The following CELSR1 variants were observed in gnomAD, a reference collection of about 807,000 sequenced individuals.
CELSR1 encodes the protein cadherin EGF LAG seven-pass G-type receptor 1, also known as adhesion G protein-coupled receptor C1.
A neutral mutation model predicts 249.1 loss-of-function variants in CELSR1; 110 were observed. The ratio of observed to expected loss-of-function variants is 0.44; its 90% CI spans 0.38 to 0.52. The LOEUF (loss-of-function observed/expected upper bound fraction) is 0.52. Ranked by LOEUF, CELSR1 falls within the 20% of genes least tolerant of loss-of-function variation. The probability of loss-of-function intolerance (pLI) is 0.00; values close to 1 mark genes in which losing one functional copy is unlikely to be tolerated. For missense variants in CELSR1, 4,109 were observed against 4,296.4 expected (o/e 0.96, Z 1.22); for synonymous variants, 2,113 against 1,900.0 (o/e 1.11, Z -2.92).
chr22:46,437,350 G>A lies in CELSR1; in HGVS notation c.4407-1061C>T, dbSNP rs956721712. ...CTGGCTGGGTGTCTCCACCATCAGA[G>A]ATACACGGCAGGAACTCCTTTTAAC... is the stretch of plus-strand genomic sequence containing the variant. On this transcript the variant is annotated intron_variant, in intron 3 of 34. Transcript: ENST00000674500. This position sits in a 1 kb window ranked among gnomAD's most constrained non-coding sequence, Gnocchi z 4.9. Among the ~76,000 whole-genome samples the A allele has an allele frequency of 9.2e-5, 14 of 152,246 alleles. No homozygotes were observed. The highest frequency in any genetic ancestry group is 3.4e-4 in the African/African-American group (14 of 41,470).
chr22:46,421,035 G>A (rs2079465806), intron 5 of CELSR1, among the ~76,000 whole-genome samples: 1 of 152,182 alleles, frequency 6.6e-6, no homozygotes, highest in Admixed American at 6.5e-5. Context: ...CCTAAACCCG[G>A]CCCTCCCATC....
chr22:46,465,889 C>A (rs922257380), intron 1 of CELSR1, among the ~76,000 whole-genome samples: 2 of 152,352 alleles, frequency 1.3e-5, no homozygotes, highest in Middle Eastern at 3.4e-3. Context: ...CCAGCTCCCA[C>A]CCCAGTAACG....
rs2079362099 is a variant in CELSR1 at position 46,413,542 on chromosome 22, A to G, written c.4612-1783T>C. 6.6e-6 allele frequency among the ~76,000 whole-genome samples: 1 copy of G among 152,232 alleles called. No homozygotes were observed. Among genetic ancestry groups the G allele is most frequent in the Non-Finnish European group, 1.5e-5 (1 of 68,050 alleles). On this transcript the variant is annotated intron_variant, in intron 5 of 34. Coordinates refer to ENST00000674500, the MANE Select transcript of CELSR1 (RefSeq NM_001378328.1). This position sits in a 1 kb window ranked among gnomAD's most constrained non-coding sequence, Gnocchi z 4.7. ...TCTGTGTTACAGGGAATTGAGGATG[A>G]TATCAACAGAGATACGTGAGTTTCC...
chr22:46,491,609 G>C (rs1183204782), intron 1 of CELSR1, among the ~76,000 whole-genome samples: 1 of 146,522 alleles, frequency 6.8e-6, no homozygotes, highest in African/African-American at 2.5e-5. Flanking sequence ...CTAGCAGAAA[G>C]GAAACATAGT....
At chr22:46,387,736 A>G (rs1242628681) in intron 18 of CELSR1, among the ~76,000 whole-genome samples, 3 of 152,266 alleles carry the variant, frequency 2.0e-5, no homozygotes, top group South Asian at 4.1e-4. Flanking sequence ...GGGTGATTCA[A>G]ATGTCAGAGG....
At chr22:46,511,564 C>T (rs963848269) in intron 1 of CELSR1, among the ~76,000 whole-genome samples, 4 of 152,348 alleles carry the variant, frequency 2.6e-5, no homozygotes, top group East Asian at 1.9e-4. Context: ...GCCTTGACTT[C>T]GGGCCAGGCA....
intron 27 of CELSR1, among the ~76,000 whole-genome samples, chr22:46,368,372 A>T (rs2078811302): frequency 1.3e-5 from 2 of 152,044 alleles, no homozygotes; most frequent in African/African-American, 4.8e-5. Context: ...CGTGGATGGC[A>T]CTGAAGACGA....
intron 1 of CELSR1, among the ~76,000 whole-genome samples, chr22:46,465,336 CA>C (rs2080085042): frequency 1.3e-5 from 2 of 152,060 alleles, no homozygotes; most frequent in Non-Finnish European, 2.9e-5. Flanking sequence ...GCCCCCTGCC[CA>C]TGGCCCCCAC....
In CELSR1 at chr22:46,413,847, G is replaced by A. The variant is rs2079365633; in HGVS notation, c.4612-2088C>T. Among the ~76,000 whole-genome samples, 1 of 152,194 alleles carries A rather than the reference G, an allele frequency of 6.6e-6. No individual in the cohort carries two copies. The highest frequency in any genetic ancestry group is 1.5e-5 in the Non-Finnish European group (1 of 68,034). On this transcript the variant is annotated intron_variant, in intron 5 of 34. Transcript: ENST00000674500. This position sits in a 1 kb window ranked among gnomAD's most constrained non-coding sequence, Gnocchi z 4.7. The stretch of plus-strand genomic sequence containing the variant: ...GTGAGATGCGATCCCAGGGAAAGGA[G>A]AACCTCCCCTCACTTTGTGAGCCCC...
rs563732652 is a variant in CELSR1, at chr22:46,488,403, C to T, written c.3545-24058G>A. Among the ~76,000 whole-genome samples, 12 of 152,276 alleles carry T rather than the reference C, an allele frequency of 7.9e-5. No individual in the cohort carries two copies. The highest frequency in any genetic ancestry group is 3.3e-4 in the Admixed American group (5 of 15,310). On this transcript the variant is annotated intron_variant, in intron 1 of 34. Coordinates refer to ENST00000674500, the MANE Select transcript of CELSR1 (RefSeq NM_001378328.1). The surrounding 1 kb of genome is among the most constrained non-coding windows in gnomAD (Gnocchi z 4.7). The stretch of plus-strand genomic sequence containing the variant: ...AGCTTCCCTGCTCGCCTACAGCCGG[C>T]GAGTGCAGCACAGGAGGCCACCGTA...
chr22:46,525,879 T>A (rs2080733801), intron 1 of CELSR1, among the ~76,000 whole-genome samples: 1 of 152,248 alleles, frequency 6.6e-6, no homozygotes, highest in Non-Finnish European at 1.5e-5. Flanking sequence ...GGGGCCAGCG[T>A]GGGGTTCTGG....
intron 9 of CELSR1, among the ~76,000 whole-genome samples, chr22:46,403,903 G>A (rs746200166): frequency 5.3e-5 from 8 of 150,150 alleles, no homozygotes; most frequent in Non-Finnish European, 1.0e-4. Flanking sequence ...AACCCGGGAG[G>A]TGGAGGCTGC....
chr22:46,469,630 C>T (rs1294839861), intron 1 of CELSR1, among the ~76,000 whole-genome samples: 1 of 152,060 alleles, frequency 6.6e-6, no homozygotes, highest in Non-Finnish European at 1.5e-5. Flanking sequence ...ATTCTCCTGC[C>T]TCAGTCTCCC....
In CELSR1 at chr22:46,398,553, C is replaced by G. The variant is rs201306786; in HGVS notation, c.5497G>C (p.Val1833Leu). 1.6e-5 allele frequency: 26 copies of G among 1,613,288 alleles called. No individual in the cohort carries two copies. Among genetic ancestry groups the G allele is most frequent in the Admixed American group, 6.7e-5 (4 of 59,892 alleles). The change falls in exon 11 of 35, where the codon GTG becomes CTG. Residue 1833 changes from valine (V) to leucine (L), a missense_variant. Coordinates refer to ENST00000674500, the MANE Select transcript of CELSR1 (RefSeq NM_001378328.1). This position sits in a 1 kb window ranked among gnomAD's most constrained non-coding sequence, Gnocchi z 7.2. ...VGGASEDKVS[V>L]RRGFRGCMQG... ...ATGCAGCCTCGGAATCCACGGCGCA[C>G]GGAGACCTTGTCTTCAGAGGCGCCT... is the stretch of plus-strand genomic sequence containing the variant.
In CELSR1 at chr22:46,535,263, G is replaced by C. The variant is rs567069954; in HGVS notation, c.1908C>G (p.Ser636=). ...GCTCGGCACACACTGTGATCCAACC[G>C]GAGCTGTTGTGGATCTGGAAGGGGA... ...PDFPFQIHNS[S]GWITVCAELD... is the part of the protein sequence containing the mutation. Residue 636 remains serine (S), a synonymous_variant, in exon 1 of 35, where the codon TCC becomes TCG. Coordinates refer to ENST00000674500, the MANE Select transcript of CELSR1 (RefSeq NM_001378328.1). 2.5e-6 allele frequency: 4 copies of C among 1,610,230 alleles called. No homozygotes were observed. Among genetic ancestry groups the C allele is most frequent in the Admixed American group, 1.7e-5 (1 of 60,000 alleles).
chr22:46,419,750 T>G (rs960410880), intron 5 of CELSR1, among the ~76,000 whole-genome samples: 1 of 150,892 alleles, frequency 6.6e-6, no homozygotes, highest in South Asian at 2.1e-4. Context: ...TCGTGCATAC[T>G]CAAACCCACA....
intron 1 of CELSR1, among the ~76,000 whole-genome samples, chr22:46,510,444 G>A (rs1264030216): frequency 6.6e-6 from 1 of 152,214 alleles, no homozygotes; most frequent in Admixed American, 6.5e-5. Context: ...GGGCCCCATT[G>A]TCCCTGGACA....
intron 2 of CELSR1, among the ~76,000 whole-genome samples, chr22:46,453,072 G>T (rs934992431): frequency 6.6e-6 from 1 of 152,214 alleles, no homozygotes; most frequent in Admixed American, 6.5e-5. Context: ...GTAGGGAGAG[G>T]GCTGGCCCTG....
At position 46,490,632 on chromosome 22, in the gene CELSR1, C is replaced by T. The variant is rs919323673; in HGVS notation, c.3545-26287G>A. On this transcript the variant is annotated intron_variant, in intron 1 of 34. Coordinates refer to ENST00000674500, the MANE Select transcript of CELSR1 (RefSeq NM_001378328.1). The surrounding 1 kb of genome is among the most constrained non-coding windows in gnomAD (Gnocchi z 5.2). The stretch of plus-strand genomic sequence containing the variant: ...TCTAAGCAGAGTGAGCGTCGTGGAG[C>T]CTCCCTCAGGCATGGCTGTGAGCGC... 4.6e-5 allele frequency among the ~76,000 whole-genome samples: 7 copies of T among 151,614 alleles called. No individual in the cohort carries two copies. The highest frequency in any genetic ancestry group is 1.0e-4 in the Non-Finnish European group (7 of 67,876).
Sources: gnomAD v4.1 joint callset for allele counts (sites outside exome capture counted in the v4.1 genomes callset) on GRCh38, gnomAD v4.1.1 for gene constraint, Gnocchi (gnomAD v3.1) non-coding constraint, MANE v1.5 for transcripts, NCBI Gene and HGNC (gene_info 2026-07-23, HGNC 2026-07-21) for gene names.